The following LIFR variants were observed in gnomAD, a reference collection of about 807,000 sequenced individuals.
LIFR encodes the protein LIF receptor subunit alpha.
A neutral mutation model predicts 122.2 loss-of-function variants in LIFR; 84 were observed. That is an observed-to-expected ratio of 0.69 (90% CI 0.58 to 0.82). The LOEUF (loss-of-function observed/expected upper bound fraction) is 0.82. LIFR is among the 40% of genes least tolerant of loss of function. The pLI is 0.00. For synonymous variants in LIFR, 422 were observed against 434.7 expected (o/e 0.97, Z 0.36); for missense variants, 1,294 against 1,311.6 (o/e 0.99, Z 0.21).
chr5:38,586,381 AT>A (rs71604902), intron 1 of LIFR, among the ~76,000 whole-genome samples: 3,648 of 152,326 alleles, frequency 0.024, 84 homozygotes, highest in Non-Finnish European at 0.038. Flanking sequence ...TAATGTTTAA[AT>A]AAAAGAAGAT....
chr5:38,607,765 C>G (rs929985131), intron 1 of LIFR: 9 of 152,342 alleles, frequency 5.9e-5, no homozygotes, highest in African/African-American at 1.7e-4. Flanking sequence ...GGAACTTTCT[C>G]TCAATTTCAG....
intron 12 of LIFR, among the ~76,000 whole-genome samples, chr5:38,497,451 T>A (rs1172335110): frequency 6.6e-6 from 1 of 152,210 alleles, no homozygotes; most frequent in Non-Finnish European, 1.5e-5. Context: ...ACAATATTTA[T>A]CTCCACATTT....
chr5:38,599,938 C>T (rs974024719), upstream of LIFR, among the ~76,000 whole-genome samples: 2 of 152,098 alleles, frequency 1.3e-5, no homozygotes, highest in African/African-American at 4.8e-5. Flanking sequence ...TTGTACCTTC[C>T]TCCCTTTTAG....
Position 38,482,624 on chromosome 5 carries a change from A to G in LIFR, c.2635T>C (p.Cys879Arg). The change falls in exon 19 of 20, where the codon TGT becomes CGT. Residue 879 changes from cysteine (C) to arginine (R), a missense_variant. By Grantham distance (180) the Cys-to-Arg change is radical. Transcript: ENST00000453190. ...CTCTTTTGAAACTGTAATGCTTTAC[A>G]GTTTTCTGGATTTGGAATATCAGGG... Reference protein sequence around the residue: ...FYPDIPNPENCKALQFQKSVC... With the variant: ...FYPDIPNPENRKALQFQKSVC... The G allele has an allele frequency of 6.7e-7, 1 of 1,502,044 alleles. No individual in the cohort carries two copies. The highest frequency in any genetic ancestry group is 1.3e-5 in the South Asian group (1 of 76,262). 93.0% of individuals were successfully genotyped at this position (1,502,044 alleles called of 1,614,324 possible).
At chr5:38,550,760 T>G (rs1354197778) in intron 1 of LIFR, among the ~76,000 whole-genome samples, 1 of 151,992 alleles carries the variant, frequency 6.6e-6, no homozygotes, top group Non-Finnish European at 1.5e-5. Flanking sequence ...TAGAGAGGAG[T>G]TGAGAACCCT....
chr5:38,493,296 T>C (rs1035021470), intron 14 of LIFR, among the ~76,000 whole-genome samples: 3 of 152,208 alleles, frequency 2.0e-5, no homozygotes, highest in African/African-American at 7.2e-5. Flanking sequence ...TGTACCATCA[T>C]TTACTCATTC....
rs893134196 is a variant in LIFR at position 38,475,431 on chromosome 5, C to A, written c.*6164G>T. ...GTACAGCACATCACAACTGTTTATT[C>A]ACCTTAAAAAAATGTCTGTAGTGGT... On this transcript the variant is annotated 3_prime_UTR_variant, in exon 20 of 20. Transcript: ENST00000453190. 7.6e-5 allele frequency: 15 copies of A among 198,062 alleles called. No homozygotes were observed. The highest frequency in any genetic ancestry group is 7.3e-4 in the Admixed American group (12 of 16,540). The allele number at this position is 198,062 out of a possible 1,614,324, so 12.3% of individuals were successfully genotyped here.
At chr5:38,523,302 G>T (rs1477859314) in intron 5 of LIFR, 117 bp downstream of exon 5, 4 of 762,938 alleles carry the variant, frequency 5.2e-6, no homozygotes, top group Non-Finnish European at 8.8e-6. Context: ...ACCCTGAAAG[G>T]TATCTGATTT....
chr5:38,525,202 T>C (rs1746614350), intron 4 of LIFR, among the ~76,000 whole-genome samples: 1 of 152,190 alleles, frequency 6.6e-6, no homozygotes, highest in Non-Finnish European at 1.5e-5. Context: ...ACAAAGAAGG[T>C]ATGAGCATGT....
intron 6 of LIFR, 37 bp downstream of exon 6, chr5:38,511,753 T>G (rs202004357): frequency 6.3e-7 from 1 of 1,590,940 alleles, no homozygotes; most frequent in Non-Finnish European, 8.6e-7. Context: ...ACTAATTTAA[T>G]TCATCTGAAA....
rs183213710 is a variant in LIFR at position 38,507,841 on chromosome 5, C to T, written c.992-1209G>A. 4.0e-5 allele frequency among the ~76,000 whole-genome samples: 6 copies of T among 151,814 alleles called. No homozygotes were observed. The East Asian group carries it at 7.8e-4, about 20-fold the overall frequency. On this transcript the variant is annotated intron_variant, in intron 7 of 19. Transcript: ENST00000453190. Reference sequence around the variant, plus strand: ...CAAAACTTGGAAAATTTCATACCTTCCCCAGAGATAAGGATAACATCCTTC... The same window carrying T: ...CAAAACTTGGAAAATTTCATACCTTTCCCAGAGATAAGGATAACATCCTTC...
chr5:38,492,680 TGAGA>T, intron 14 of LIFR, among the ~76,000 whole-genome samples: 1 of 152,274 alleles, frequency 6.6e-6, no homozygotes. Flanking sequence ...CCTCATCATC[TGAGA>T]GAGAAACAGT....
chr5:38,486,090 T>TC (rs1157465623), intron 16 of LIFR, 110 bp from the exon 17 acceptor site: 11 of 976,812 alleles, frequency 1.1e-5, no homozygotes, highest in African/African-American at 1.6e-5. Flanking sequence ...GCTGAGGCCA[T>TC]CCCAGCCAAG....
chr5:38,539,372 T>C (rs1747463252), intron 1 of LIFR, among the ~76,000 whole-genome samples: 1 of 152,138 alleles, frequency 6.6e-6, no homozygotes, highest in Non-Finnish European at 1.5e-5. Flanking sequence ...ATGGAAATCA[T>C]TCTCTCCCTT....
chr5:38,479,722 A>G lies in LIFR; in HGVS notation c.*1873T>C. On this transcript the variant is annotated 3_prime_UTR_variant, in exon 20 of 20. Transcript: ENST00000453190. ...GCAAGCTTTGGCAGGGAGAGAAGGC[A>G]GCCCCAGGTCTGATGTCTGGGGTGG... 4.3e-6 allele frequency: 1 copy of G among 231,900 alleles called. No homozygotes were observed. The allele number at this position is 231,900 out of a possible 1,614,324, so 14.4% of individuals were successfully genotyped here.
chr5:38,598,285 C>T (rs184207491), upstream of LIFR, among the ~76,000 whole-genome samples: 3 of 115,090 alleles, frequency 2.6e-5, no homozygotes, highest in South Asian at 3.4e-4. Flanking sequence ...CTCGCTGTGT[C>T]GCCCAGGCTG....
intron 4 of LIFR, among the ~76,000 whole-genome samples, chr5:38,524,391 G>C (rs561928756): frequency 6.6e-6 from 1 of 152,284 alleles, no homozygotes; most frequent in African/African-American, 2.4e-5. Context: ...ACAGACTGCG[G>C]GGGATTGAGA....
chr5:38,497,702 G>A (rs1744957234), intron 12 of LIFR, among the ~76,000 whole-genome samples: 1 of 151,882 alleles, frequency 6.6e-6, no homozygotes, highest in South Asian at 2.1e-4. Context: ...TGTTTTTCTA[G>A]GTATAGATTT....
chr5:38,551,160 G>GGT (rs1748179342), intron 1 of LIFR, among the ~76,000 whole-genome samples: 1 of 152,140 alleles, frequency 6.6e-6, no homozygotes, highest in African/African-American at 2.4e-5. Flanking sequence ...AGATGTTTTT[G>GGT]CAATGGTCTT....
Sources: gnomAD v4.1 joint callset for allele counts (sites outside exome capture counted in the v4.1 genomes callset) on GRCh38, gnomAD v4.1.1 for gene constraint, MANE v1.5 for transcripts, NCBI Gene and HGNC (gene_info 2026-07-23, HGNC 2026-07-21) for gene names.